Variants in FBXL17 observed in about 807,000 individuals in gnomAD.
FBXL17 encodes F-box/LRR-repeat protein 17.
Under a neutral mutation model 66.2 loss-of-function variants are expected in FBXL17, and 22 were observed. The observed-to-expected ratio is 0.33, with a 90% CI of 0.24 to 0.47. The LOEUF is 0.47. FBXL17 is among the 20% of genes least tolerant of loss of function. The pLI, the probability that FBXL17 is intolerant of heterozygous loss-of-function variation, is 1.00. For missense variants in FBXL17, 878 were observed against 948.2 expected, an observed-to-expected ratio of 0.93 and a Z score of 0.97; for synonymous variants, 474 against 400.5, an observed-to-expected ratio of 1.18 and a Z score of -2.19.
chr5:108,139,399 G>A (rs954019794), intron 6 of FBXL17, among the ~76,000 whole-genome samples: 2 of 152,178 alleles, frequency 1.3e-5, no homozygotes, highest in Admixed American at 6.5e-5. Flanking sequence ...TGGATTCACA[G>A]CACCTCCAGT....
chr5:108,344,043 CAA>C lies in FBXL17; in HGVS notation c.1506+4354_1506+4355del, dbSNP rs78203086. ...GTATCCTTTCTGCAAGGAAGGAAAA[CAA>C]AGTGCAAAAATTAAGATAACTAAAG... On this transcript the variant is annotated intron_variant, in intron 4 of 8. Transcript: ENST00000542267. Among the ~76,000 whole-genome samples the C allele has an allele frequency of 5.3e-5, 8 of 152,186 alleles. 1 individual carries two copies. The East Asian group carries it at 9.7e-4, about 18-fold the overall frequency.
intron 7 of FBXL17, among the ~76,000 whole-genome samples, chr5:108,008,712 T>C (rs1304378452): frequency 6.6e-6 from 1 of 152,142 alleles, no homozygotes; most frequent in African/African-American, 2.4e-5. Flanking sequence ...GCGCGCAGCT[T>C]GGTTGTGAGT....
intron 6 of FBXL17, among the ~76,000 whole-genome samples, chr5:108,035,611 CCCG>C (rs1240153827): frequency 2.0e-5 from 3 of 152,130 alleles, no homozygotes. Context: ...AGGTGATCCA[CCCG>C]CCTCGGCCTC....
At chr5:108,272,713 T>C (rs1757326305) in intron 4 of FBXL17, among the ~76,000 whole-genome samples, 1 of 152,186 alleles carries the variant, frequency 6.6e-6, no homozygotes, top group Non-Finnish European at 1.5e-5. Flanking sequence ...GGTTTCTCAT[T>C]TAACTTAGGA....
At chr5:108,238,431 T>C (rs1174891043) in intron 4 of FBXL17, among the ~76,000 whole-genome samples, 2 of 152,234 alleles carry the variant, frequency 1.3e-5, no homozygotes, top group African/African-American at 2.4e-5. Context: ...GAAGGGCACA[T>C]GTTAAACATC....
intron 4 of FBXL17, among the ~76,000 whole-genome samples, chr5:108,231,034 T>C (rs1017526165): frequency 3.3e-5 from 5 of 152,178 alleles, no homozygotes; most frequent in African/African-American, 1.2e-4. Context: ...GTGATTCTTA[T>C]ACACCTTAAA....
At chr5:108,154,675 A>G (rs1580524840) in intron 6 of FBXL17, among the ~76,000 whole-genome samples, 1 of 144,386 alleles carries the variant, frequency 6.9e-6, no homozygotes, top group East Asian at 2.0e-4. Flanking sequence ...ATATATGTGT[A>G]TATATATACA....
chr5:108,176,387 C>T (rs1263270821), intron 6 of FBXL17, among the ~76,000 whole-genome samples: 2 of 152,048 alleles, frequency 1.3e-5, no homozygotes, highest in Non-Finnish European at 2.9e-5. Flanking sequence ...CAGAAATATC[C>T]GTAATATGAT....
At chr5:108,275,550 G>A (rs1347440693) in intron 4 of FBXL17, among the ~76,000 whole-genome samples, 1 of 152,160 alleles carries the variant, frequency 6.6e-6, no homozygotes, top group Non-Finnish European at 1.5e-5. Flanking sequence ...CTATCAGACA[G>A]AAGTGATGGT....
intron 4 of FBXL17, among the ~76,000 whole-genome samples, chr5:108,309,928 T>C (rs1759036581): frequency 6.6e-6 from 1 of 152,134 alleles, no homozygotes; most frequent in South Asian, 2.1e-4. Flanking sequence ...TATTCTATAT[T>C]CAATAGTTCA....
chr5:108,169,515 C>T (rs989427326), intron 6 of FBXL17, among the ~76,000 whole-genome samples: 1 of 152,072 alleles, frequency 6.6e-6, no homozygotes, highest in African/African-American at 2.4e-5. Flanking sequence ...AATAAATTGT[C>T]GCCATAAGAA....
chr5:107,910,240 GA>G (rs2112545736), intron 7 of FBXL17, among the ~76,000 whole-genome samples: 1 of 152,174 alleles, frequency 6.6e-6, no homozygotes, highest in African/African-American at 2.4e-5. Flanking sequence ...TGACTGTTTT[GA>G]AAACTAAGTA....
intron 8 of FBXL17, among the ~76,000 whole-genome samples, chr5:107,862,493 T>G (rs1748152861): frequency 6.6e-6 from 1 of 152,182 alleles, no homozygotes; most frequent in Admixed American, 6.5e-5. Flanking sequence ...CAGGCCTAAT[T>G]AAAACTAACA....
intron 7 of FBXL17, among the ~76,000 whole-genome samples, chr5:108,019,930 T>TA (rs61598228): frequency 5.4e-4 from 81 of 149,788 alleles, no homozygotes; most frequent in Middle Eastern, 3.4e-3. Flanking sequence ...TTTCTAAATG[T>TA]AAAAAAAAAA....
At chr5:108,158,457 C>CA in intron 6 of FBXL17, among the ~76,000 whole-genome samples, 1 of 151,994 alleles carries the variant, frequency 6.6e-6, no homozygotes, top group East Asian at 1.9e-4. Context: ...CAAATTTCCA[C>CA]AAATAAAACT....
intron 7 of FBXL17, among the ~76,000 whole-genome samples, chr5:107,881,850 G>A (rs1232782683): frequency 6.6e-6 from 1 of 152,114 alleles, no homozygotes; most frequent in Non-Finnish European, 1.5e-5. Context: ...GAAGCCTGTC[G>A]TCTGTAAACT....
chr5:108,247,343 G>C (rs905736375), intron 4 of FBXL17, among the ~76,000 whole-genome samples: 2 of 152,112 alleles, frequency 1.3e-5, no homozygotes, highest in East Asian at 3.9e-4. Context: ...AAAAAATAGG[G>C]ACAAGGGCCC....
chr5:108,299,550 A>T, intron 4 of FBXL17: 1 of 960,984 alleles, frequency 1.0e-6, no homozygotes. Context: ...AATTTTAGAT[A>T]AAGATATATT....
intron 7 of FBXL17, among the ~76,000 whole-genome samples, chr5:108,012,888 G>A (rs1754231616): frequency 6.6e-6 from 1 of 152,012 alleles, no homozygotes; most frequent in South Asian, 2.1e-4. Flanking sequence ...GGTGGCACAT[G>A]CCTGTAATCC....
Sources: allele counts gnomAD v4.1 joint callset (sites outside exome capture counted in the v4.1 genomes callset), GRCh38; gene constraint gnomAD v4.1.1; transcripts MANE v1.5; gene names NCBI Gene and HGNC (gene_info 2026-07-23, HGNC 2026-07-21).